Variants in UGT8 observed in about 807,000 individuals in gnomAD.
The protein encoded by UGT8 is UDP glycosyltransferase 8.
In UGT8, 12 loss-of-function variants were observed where a neutral mutation model predicts 40.5. The ratio of observed to expected loss-of-function variants is 0.30; its 90% CI spans 0.19 to 0.48. The LOEUF is 0.48. Among genes scored for constraint, UGT8 ranks in the 20% least tolerant of loss-of-function variants. The probability of loss-of-function intolerance (pLI) is 0.99; values close to 1 mark genes in which losing one functional copy is unlikely to be tolerated. For synonymous variants in UGT8, 224 were observed against 240.4 expected (o/e 0.93, Z 0.63); for missense variants, 513 against 648.7 (o/e 0.79, Z 2.27).
At chr4:114,673,736 T>C (rs902135975) in intron 5 of UGT8, among the ~76,000 whole-genome samples, 2 of 152,196 alleles carry the variant, frequency 1.3e-5, no homozygotes, top group Admixed American at 6.5e-5. Context: ...TTTTCTAAGA[T>C]GTCACGTTTC....
intron 2 of UGT8, among the ~76,000 whole-genome samples, chr4:114,662,570 A>G (rs1734607380): frequency 6.6e-6 from 1 of 152,126 alleles, no homozygotes; most frequent in South Asian, 2.1e-4. Context: ...TTACTTACTC[A>G]GTAGCTAGAA....
At chr4:114,600,493 T>C (rs1369064069) in intron 1 of UGT8, among the ~76,000 whole-genome samples, 1 of 152,210 alleles carries the variant, frequency 6.6e-6, no homozygotes, top group African/African-American at 2.4e-5. Flanking sequence ...GGATAGAAAG[T>C]GCCCTTTTTT....
chr4:114,622,849 T>C, intron 1 of UGT8, 30 bp from the exon 2 acceptor site: 1 of 1,560,458 alleles, frequency 6.4e-7, no homozygotes, highest in Non-Finnish European at 8.7e-7. Context: ...TTGTATTTTG[T>C]TTTAAGTTGT....
At chr4:114,625,016 T>C (rs1030400168) in intron 2 of UGT8, among the ~76,000 whole-genome samples, 2 of 152,170 alleles carry the variant, frequency 1.3e-5, no homozygotes, top group African/African-American at 4.8e-5. Context: ...TAAAATCAGA[T>C]TTTAGAAGTA....
intron 2 of UGT8, among the ~76,000 whole-genome samples, chr4:114,637,037 A>G (rs1732928307): frequency 6.6e-6 from 1 of 152,224 alleles, no homozygotes; most frequent in African/African-American, 2.4e-5. Context: ...AGGTCTAGTA[A>G]CAGTGAGGCA....
At position 114,676,540 on chromosome 4, in the gene UGT8, A is replaced by G. The variant is rs1735657356; in HGVS notation, c.*252A>G. The G allele has an allele frequency of 2.7e-6, 1 of 372,038 alleles. No individual in the cohort carries two copies. The highest frequency in any genetic ancestry group is 2.1e-5 in the African/African-American group (1 of 48,172). 23.0% of individuals were successfully genotyped at this position (372,038 alleles called of 1,614,324 possible). ...ACCTTTTAGAAGCCTTAATTATTTA[A>G]ATCAATTCAGTGACTGTGTCAGACC... On this transcript the variant is annotated 3_prime_UTR_variant, in exon 6 of 6. Transcript: ENST00000310836.
intron 2 of UGT8, among the ~76,000 whole-genome samples, chr4:114,636,634 G>C (rs981000117): frequency 6.6e-6 from 1 of 152,140 alleles, no homozygotes; most frequent in Non-Finnish European, 1.5e-5. Flanking sequence ...TCAAAATTAA[G>C]TTTCTATTTA....
At chr4:114,613,275 TCAA>T (rs1731199266) in intron 1 of UGT8, among the ~76,000 whole-genome samples, 1 of 152,156 alleles carries the variant, frequency 6.6e-6, no homozygotes, top group African/African-American at 2.4e-5. Flanking sequence ...CCAAAAAACC[TCAA>T]CATTTTATAT....
At chr4:114,658,307 T>C (rs1405875404) in intron 2 of UGT8, among the ~76,000 whole-genome samples, 1 of 152,184 alleles carries the variant, frequency 6.6e-6, no homozygotes, top group Non-Finnish European at 1.5e-5. Flanking sequence ...CCCATTATCA[T>C]CTCTGTGTAG....
chr4:114,647,992 G>A (rs1338648683), intron 2 of UGT8, among the ~76,000 whole-genome samples: 1 of 152,134 alleles, frequency 6.6e-6, no homozygotes, highest in African/African-American at 2.4e-5. Flanking sequence ...ATGTTTAGTG[G>A]ATGTCAGTTC....
intron 2 of UGT8, among the ~76,000 whole-genome samples, chr4:114,649,538 C>T (rs1363602787): frequency 6.6e-6 from 1 of 152,194 alleles, no homozygotes; most frequent in African/African-American, 2.4e-5. Flanking sequence ...GCTGCTTCAA[C>T]ACTCTGCTCT....
Position 114,649,578 on chromosome 4 carries a change from C to T in UGT8, c.823-14417C>T, listed in dbSNP as rs191968796. ...TCCTCCTGTGCAACCCTCAACCCCA[C>T]GGTCAAGATGGCTGCTTGGCTGCTG... On this transcript the variant is annotated intron_variant, in intron 2 of 5. Transcript: ENST00000310836. Among the ~76,000 whole-genome samples, 80 of 152,282 alleles carry T rather than the reference C, an allele frequency of 5.3e-4. 1 individual carries two copies. The highest frequency in any genetic ancestry group is 1.8e-3 in the African/African-American group (76 of 41,550).
chr4:114,612,669 T>C (rs1731164619), intron 1 of UGT8, among the ~76,000 whole-genome samples: 1 of 152,192 alleles, frequency 6.6e-6, no homozygotes, highest in Non-Finnish European at 1.5e-5. Context: ...ATTTTATTAC[T>C]CTTTATTCAG....
intron 2 of UGT8, among the ~76,000 whole-genome samples, chr4:114,653,211 C>T (rs1459085142): frequency 3.3e-5 from 5 of 152,048 alleles, no homozygotes; most frequent in Admixed American, 6.6e-5. Context: ...ACTTCTCTTC[C>T]CTTGAACATA....
intron 2 of UGT8, among the ~76,000 whole-genome samples, chr4:114,644,447 C>T (rs1428633252): frequency 6.6e-6 from 1 of 152,066 alleles, no homozygotes; most frequent in Non-Finnish European, 1.5e-5. Context: ...TTCCTGGACC[C>T]TTTGATGTTT....
intron 1 of UGT8, among the ~76,000 whole-genome samples, chr4:114,614,660 T>G (rs1326768899): frequency 1.8e-5 from 1 of 55,250 alleles, no homozygotes; most frequent in East Asian, 1.0e-3. Context: ...ATTTCTGCAG[T>G]TAAGCCGTGG....
intron 5 of UGT8, among the ~76,000 whole-genome samples, chr4:114,674,774 A>G (rs930474643): frequency 1.3e-5 from 2 of 152,228 alleles, no homozygotes; most frequent in Non-Finnish European, 2.9e-5. Flanking sequence ...TCTATAATGC[A>G]CAACTCAGTA....
intron 2 of UGT8, among the ~76,000 whole-genome samples, chr4:114,644,065 T>C (rs1733397609): frequency 6.6e-6 from 1 of 152,158 alleles, no homozygotes; most frequent in South Asian, 2.1e-4. Context: ...CTGAAAACAG[T>C]GACTGAATAA....
intron 2 of UGT8, among the ~76,000 whole-genome samples, chr4:114,625,997 G>A (rs1178867179): frequency 6.6e-6 from 1 of 152,148 alleles, no homozygotes; most frequent in Non-Finnish European, 1.5e-5. Context: ...GACATGGCAT[G>A]TGTGCATGTG....
Sources: gnomAD v4.1 joint callset for allele counts (sites outside exome capture counted in the v4.1 genomes callset) on GRCh38, gnomAD v4.1.1 for gene constraint, MANE v1.5 for transcripts, NCBI Gene and HGNC (gene_info 2026-07-23, HGNC 2026-07-21) for gene names.